The following RB1CC1 variants were observed in gnomAD, a reference collection of about 807,000 sequenced individuals.
RB1CC1 encodes RB1-inducible coiled-coil protein 1.
RB1CC1 carries 46 observed loss-of-function variants against 177.5 expected under a neutral mutation model. The observed-to-expected ratio is 0.26, with a 90% CI of 0.20 to 0.33. The LOEUF (loss-of-function observed/expected upper bound fraction) is 0.33. Ranked by LOEUF, RB1CC1 falls within the 10% of genes least tolerant of loss-of-function variation. The pLI is 1.00. For synonymous variants in RB1CC1, 666 were observed against 613.6 expected (o/e 1.09, Z -1.26); for missense variants, 1,703 against 1,816.3 (o/e 0.94, Z 1.13).
At chr8:52,688,786 G>A (rs1283489382) in intron 1 of RB1CC1, among the ~76,000 whole-genome samples, 3 of 152,120 alleles carry the variant, frequency 2.0e-5, no homozygotes, top group Non-Finnish European at 4.4e-5. Flanking sequence ...GCTTATGCGG[G>A]CATCACTGTC....
Position 52,683,910 on chromosome 8 carries a change from C to T in RB1CC1, c.175G>A (p.Val59Met). Residue 59 changes from valine to methionine, a missense_variant, in exon 4 of 24, where the codon GTG becomes ATG. Transcript: ENST00000025008. Reference sequence around the variant, plus strand: ...ACCGTCCCAGCACTGTAGGTACACACTCTTCGATCTGCAGCCATGCATTCT... The same window carrying T: ...ACCGTCCCAGCACTGTAGGTACACATTCTTCGATCTGCAGCCATGCATTCT... ...GGECMAADRR[V>M]CTYSAGTDTN... 6.2e-7 allele frequency: 1 copy of T among 1,614,126 alleles called. No individual in the cohort carries two copies. The highest frequency in any genetic ancestry group is 8.5e-7 in the Non-Finnish European group (1 of 1,180,030).
chr8:52,711,066 TGA>T (rs1857024547), intron 1 of RB1CC1, among the ~76,000 whole-genome samples: 1 of 151,880 alleles, frequency 6.6e-6, no homozygotes, highest in African/African-American at 2.4e-5. Flanking sequence ...CAATAAAATA[TGA>T]GAGTTCAAAA....
At chr8:52,699,030 G>A (rs537875853) in intron 1 of RB1CC1, among the ~76,000 whole-genome samples, 2 of 152,014 alleles carry the variant, frequency 1.3e-5, no homozygotes, top group East Asian at 1.9e-4. Context: ...TAATGCAGAG[G>A]AAAGGAAAAA....
chr8:52,704,703 C>G (rs1159967402), intron 1 of RB1CC1, among the ~76,000 whole-genome samples: 1 of 151,984 alleles, frequency 6.6e-6, no homozygotes, highest in Non-Finnish European at 1.5e-5. Context: ...AGTGGGTTGA[C>G]TCTCTATGAT....
chr8:52,696,115 G>A (rs1855384325), intron 1 of RB1CC1, among the ~76,000 whole-genome samples: 1 of 152,180 alleles, frequency 6.6e-6, no homozygotes, highest in Non-Finnish European at 1.5e-5. Flanking sequence ...CACAATCTCG[G>A]CTCACTGCAA....
At chr8:52,659,644 G>C (rs1851430946) in intron 12 of RB1CC1, among the ~76,000 whole-genome samples, 1 of 152,166 alleles carries the variant, frequency 6.6e-6, no homozygotes, top group Non-Finnish European at 1.5e-5. Flanking sequence ...CAATTCTTAT[G>C]TATTAAAAAA....
At chr8:52,697,542 T>C (rs1855545477) in intron 1 of RB1CC1, among the ~76,000 whole-genome samples, 1 of 152,158 alleles carries the variant, frequency 6.6e-6, no homozygotes, top group African/African-American at 2.4e-5. Context: ...TCTGAAAAAT[T>C]AGTGTGTAAA....
intron 15 of RB1CC1, among the ~76,000 whole-genome samples, chr8:52,652,241 C>A (rs555699701): frequency 2.0e-5 from 3 of 151,928 alleles, no homozygotes; most frequent in Non-Finnish European, 2.9e-5. Flanking sequence ...CCGAGGTGGG[C>A]AGATCACAAG....
intron 8 of RB1CC1, among the ~76,000 whole-genome samples, chr8:52,664,195 A>G (rs936479322): frequency 1.3e-5 from 2 of 152,172 alleles, no homozygotes; most frequent in African/African-American, 4.8e-5. Flanking sequence ...TTCTCTAATG[A>G]GCTCACTGAA....
chr8:52,697,932 G>C (rs1156597521), intron 1 of RB1CC1, among the ~76,000 whole-genome samples: 7 of 151,986 alleles, frequency 4.6e-5, no homozygotes, highest in African/African-American at 1.7e-4. Flanking sequence ...ATCAATTTTA[G>C]GGAAAAAATT....
At chr8:52,685,911 T>A (rs968142263) in intron 2 of RB1CC1, 1 of 152,540 alleles carries the variant, frequency 6.6e-6, no homozygotes, top group South Asian at 2.1e-4. Flanking sequence ...TAATAAAAAA[T>A]AGATTAGTAT....
intron 22 of RB1CC1, among the ~76,000 whole-genome samples, chr8:52,626,882 T>TACAAA (rs1848432310): frequency 6.6e-6 from 1 of 152,066 alleles, no homozygotes; most frequent in African/African-American, 2.4e-5. Flanking sequence ...ACCCTGCCTC[T>TACAAA]ACAAAACAAA....
intron 1 of RB1CC1, among the ~76,000 whole-genome samples, chr8:52,707,999 G>A (rs1357195512): frequency 6.6e-6 from 1 of 152,190 alleles, no homozygotes; most frequent in African/African-American, 2.4e-5. Flanking sequence ...ATGTACTTCA[G>A]AGTCCTTTAC....
chr8:52,695,801 C>T (rs1855350824), intron 1 of RB1CC1, among the ~76,000 whole-genome samples: 1 of 152,166 alleles, frequency 6.6e-6, no homozygotes, highest in African/African-American at 2.4e-5. Flanking sequence ...ATTTTTGTAT[C>T]CTTCTCTTAT....
At chr8:52,674,871 A>G (rs1196713141) in intron 6 of RB1CC1, among the ~76,000 whole-genome samples, 2 of 152,190 alleles carry the variant, frequency 1.3e-5, no homozygotes, top group East Asian at 3.8e-4. Context: ...TAAATTTACA[A>G]AAAGATTCAC....
Position 52,632,894 on chromosome 8 carries a change from G to A in RB1CC1, c.4440+2027C>T, listed in dbSNP as rs114429221. 1.1e-3 allele frequency among the ~76,000 whole-genome samples: 160 copies of A among 152,286 alleles called. 1 individual carries two copies. Among genetic ancestry groups the A allele is most frequent in the African/African-American group, 3.6e-3 (148 of 41,562 alleles). On this transcript the variant is annotated intron_variant, in intron 20 of 23. Transcript: ENST00000025008. ...TCCTCTGCTCATGTGAGACAAATGC[G>A]TATATGATTGCTTTCTCGGCCCCAC... is the stretch of plus-strand genomic sequence containing the variant.
intron 1 of RB1CC1, among the ~76,000 whole-genome samples, chr8:52,703,888 T>C (rs887575660): frequency 4.0e-5 from 6 of 151,554 alleles, no homozygotes; most frequent in Admixed American, 1.3e-4. Flanking sequence ...CAACCAAAAC[T>C]GAAATCAGAA....
At chr8:52,696,508 A>AGCC (rs1467861128) in intron 1 of RB1CC1, among the ~76,000 whole-genome samples, 1 of 152,176 alleles carries the variant, frequency 6.6e-6, no homozygotes, top group Admixed American at 6.5e-5. Context: ...ACAACTTTAA[A>AGCC]AGGCTTCTAC....
intron 18 of RB1CC1, among the ~76,000 whole-genome samples, chr8:52,636,283 ACT>A (rs996987326): frequency 2.6e-5 from 4 of 152,076 alleles, no homozygotes; most frequent in African/African-American, 9.7e-5. Context: ...AATAAGTAAA[ACT>A]CTGTGTATGC....
Sources: allele counts gnomAD v4.1 joint callset (sites outside exome capture counted in the v4.1 genomes callset), GRCh38; gene constraint gnomAD v4.1.1; transcripts MANE v1.5; gene names NCBI Gene and HGNC (gene_info 2026-07-23, HGNC 2026-07-21).